The following ZNF804A variants were observed in gnomAD, a reference collection of about 807,000 sequenced individuals.
ZNF804A encodes the protein zinc finger protein 804A.
A neutral mutation model predicts 16.5 loss-of-function variants in ZNF804A; 2 were observed. The observed-to-expected ratio is 0.12, with a 90% CI of 0.05 to 0.38. The LOEUF (loss-of-function observed/expected upper bound fraction) is 0.38. ZNF804A is among the 10% of genes least tolerant of loss of function. ZNF804A has a pLI of 0.99. For synonymous variants in ZNF804A, 534 were observed against 489.6 expected, an observed-to-expected ratio of 1.09 and a Z score of -1.20; for missense variants, 1,473 against 1,390.7, an observed-to-expected ratio of 1.06 and a Z score of -0.94.
intron 1 of ZNF804A, among the ~76,000 whole-genome samples, chr2:184,602,349 T>C (rs556400727): frequency 6.6e-6 from 1 of 152,116 alleles, no homozygotes; most frequent in African/African-American, 2.4e-5. Flanking sequence ...TTTAATTTCA[T>C]AGAACAAGAA....
intron 1 of ZNF804A, among the ~76,000 whole-genome samples, chr2:184,751,414 A>T (rs1474026154): frequency 1.3e-5 from 2 of 151,430 alleles, no homozygotes; most frequent in Non-Finnish European, 3.0e-5. Context: ...ATAACAAAAC[A>T]CCTGGATTGA....
chr2:184,723,278 CAT>C lies in ZNF804A; in HGVS notation c.111+124211_111+124212del, dbSNP rs777989737. ...TTTTAAAATATCTAAATTACTGACT[CAT>C]ATCACATAATTAGCAACAGGCTCGC... On this transcript the variant is annotated intron_variant, in intron 1 of 3. Transcript: ENST00000302277. Among the ~76,000 whole-genome samples, 6 of 151,920 alleles carry C rather than the reference CAT, an allele frequency of 3.9e-5. No homozygotes were observed. In the East Asian group the frequency reaches 9.6e-4, roughly 24 times the overall value.
At chr2:184,872,965 A>G (rs1388131240) in intron 2 of ZNF804A, among the ~76,000 whole-genome samples, 4 of 152,362 alleles carry the variant, frequency 2.6e-5, no homozygotes, top group African/African-American at 9.6e-5. Context: ...ATTAAGTGAC[A>G]GGAGCAGAAA....
intron 1 of ZNF804A, among the ~76,000 whole-genome samples, chr2:184,661,545 G>A (rs72899932): frequency 0.11 from 16,599 of 152,178 alleles, 1,171 homozygotes; most frequent in Non-Finnish European, 0.16. Context: ...TGAGTCCAGA[G>A]GTTTGTATGG....
chr2:184,727,670 G>A (rs981641041), intron 1 of ZNF804A, among the ~76,000 whole-genome samples: 1 of 151,518 alleles, frequency 6.6e-6, no homozygotes, highest in Admixed American at 6.6e-5. Context: ...TATATACCAG[G>A]AAGTTAATAA....
chr2:184,750,651 C>A (rs369506806), intron 1 of ZNF804A, among the ~76,000 whole-genome samples: 3 of 151,454 alleles, frequency 2.0e-5, no homozygotes, highest in East Asian at 3.9e-4. Context: ...AGTTTTCTCC[C>A]ATCTTCTTTA....
At chr2:184,778,113 C>A (rs972349670) in intron 1 of ZNF804A, among the ~76,000 whole-genome samples, 10 of 151,620 alleles carry the variant, frequency 6.6e-5, no homozygotes, top group Admixed American at 1.3e-4. Context: ...TAGCATTATG[C>A]TGCAAAGTAG....
intron 1 of ZNF804A, among the ~76,000 whole-genome samples, chr2:184,780,469 T>G (rs1284411004): frequency 6.6e-6 from 1 of 151,796 alleles, no homozygotes; most frequent in African/African-American, 2.4e-5. Context: ...TGAAGAATTA[T>G]TCTTAAAAGT....
At chr2:184,700,673 A>G (rs1004864306) in intron 1 of ZNF804A, among the ~76,000 whole-genome samples, 1 of 152,114 alleles carries the variant, frequency 6.6e-6, no homozygotes, top group Non-Finnish European at 1.5e-5. Flanking sequence ...CAACAAAAAT[A>G]CCAAACTGAT....
At chr2:184,697,814 G>C (rs991954056) in intron 1 of ZNF804A, among the ~76,000 whole-genome samples, 2 of 151,996 alleles carry the variant, frequency 1.3e-5, no homozygotes, top group African/African-American at 4.8e-5. Context: ...ATCTAGAAGA[G>C]GGCTTCAAGA....
intron 1 of ZNF804A, among the ~76,000 whole-genome samples, chr2:184,768,006 T>C (rs1694155774): frequency 6.6e-6 from 1 of 152,098 alleles, no homozygotes; most frequent in Admixed American, 6.6e-5. Flanking sequence ...AAACCAAATA[T>C]ATAACTAGGA....
At chr2:184,799,521 C>G (rs1310881354) in intron 1 of ZNF804A, among the ~76,000 whole-genome samples, 1 of 151,908 alleles carries the variant, frequency 6.6e-6, no homozygotes, top group Non-Finnish European at 1.5e-5. Context: ...CAAGTATCTT[C>G]TACTTCTTCT....
intron 1 of ZNF804A, among the ~76,000 whole-genome samples, chr2:184,758,221 GT>G (rs1693987267): frequency 6.6e-6 from 1 of 151,852 alleles, no homozygotes; most frequent in Non-Finnish European, 1.5e-5. Flanking sequence ...ATATTTATTA[GT>G]TTTATGACAT....
chr2:184,694,036 G>A (rs1410746149), intron 1 of ZNF804A, among the ~76,000 whole-genome samples: 1 of 149,954 alleles, frequency 6.7e-6, no homozygotes, highest in Non-Finnish European at 1.5e-5. Context: ...TTCAAGTGAT[G>A]CTCCTGCCTC....
At chr2:184,850,719 G>A (rs1340524041) in intron 1 of ZNF804A, among the ~76,000 whole-genome samples, 1 of 151,742 alleles carries the variant, frequency 6.6e-6, no homozygotes, top group African/African-American at 2.4e-5. Context: ...AAGAGAGAGA[G>A]AGTGATTTTC....
chr2:184,744,481 T>C (rs1159129626), intron 1 of ZNF804A, among the ~76,000 whole-genome samples: 1 of 151,730 alleles, frequency 6.6e-6, no homozygotes, highest in Admixed American at 6.6e-5. Context: ...GAGAGAGCCA[T>C]GCCCCTTCCA....
chr2:184,827,700 G>A (rs143538872), intron 1 of ZNF804A, among the ~76,000 whole-genome samples: 326 of 151,240 alleles, frequency 2.2e-3, no homozygotes, highest in Middle Eastern at 6.8e-3. Flanking sequence ...TTTTCACTTA[G>A]CATAATATAT....
chr2:184,933,877 A>G, intron 3 of ZNF804A, 144 bp downstream of exon 3: 1 of 763,696 alleles, frequency 1.3e-6, no homozygotes, highest in Non-Finnish European at 1.9e-6. Context: ...TGTAGGCTGT[A>G]AACAGTAATT....
At chr2:184,607,936 C>CTT (rs34262998) in intron 1 of ZNF804A, among the ~76,000 whole-genome samples, 18,223 of 65,544 alleles carry the variant, frequency 0.28, 7,414 homozygotes, top group Middle Eastern at 0.31. Flanking sequence ...TGATGCATCT[C>CTT]TTTTTTTTTT....
Sources: gnomAD v4.1 joint callset for allele counts (sites outside exome capture counted in the v4.1 genomes callset) on GRCh38, gnomAD v4.1.1 for gene constraint, MANE v1.5 for transcripts, NCBI Gene and HGNC (gene_info 2026-07-23, HGNC 2026-07-21) for gene names.